The following SUSD6 variants were observed in gnomAD, a reference collection of about 807,000 sequenced individuals.
SUSD6 encodes sushi domain containing 6.
In SUSD6, 16 loss-of-function variants were observed where a neutral mutation model predicts 28.4. The ratio of observed to expected loss-of-function variants is 0.56; its 90% CI spans 0.38 to 0.86. The LOEUF is 0.86. Among genes scored for constraint, SUSD6 ranks in the 40% least tolerant of loss-of-function variants. The probability of loss-of-function intolerance (pLI) is 0.00; values close to 1 mark genes in which losing one functional copy is unlikely to be tolerated. For synonymous variants in SUSD6, 147 were observed against 159.6 expected (o/e 0.92, Z 0.59); for missense variants, 341 against 384.2 (o/e 0.89, Z 0.94).
intron 5 of SUSD6, among the ~76,000 whole-genome samples, chr14:69,710,656 G>A (rs1004177953): frequency 6.6e-5 from 10 of 152,194 alleles, no homozygotes; most frequent in African/African-American, 2.4e-4. Context: ...GCCTCATAGG[G>A]TGGAATTAGG....
chr14:69,657,454 C>CA (rs140763241), intron 1 of SUSD6, among the ~76,000 whole-genome samples: 33,042 of 145,746 alleles, frequency 0.23, 3,929 homozygotes, highest in South Asian at 0.31. Flanking sequence ...GACTGTGTCT[C>CA]AAAAAAAAAA....
At chr14:69,662,467 C>A (rs755217782) in intron 2 of SUSD6, among the ~76,000 whole-genome samples, 1 of 152,078 alleles carries the variant, frequency 6.6e-6, no homozygotes, top group African/African-American at 2.4e-5. Flanking sequence ...ATCTACAGCT[C>A]GAGATTTGCA....
chr14:69,704,235 T>G (rs1026370800), intron 3 of SUSD6, among the ~76,000 whole-genome samples: 10 of 152,190 alleles, frequency 6.6e-5, no homozygotes, highest in African/African-American at 2.4e-4. Flanking sequence ...TAGGTAGAAC[T>G]TAAGATGGTG....
chr14:69,613,295 C>G (rs139953381), intron 1 of SUSD6, among the ~76,000 whole-genome samples: 8 of 152,256 alleles, frequency 5.3e-5, no homozygotes, highest in Non-Finnish European at 1.0e-4. Context: ...TCGCCCATGT[C>G]ACATAGGTAT....
At chr14:69,681,493 A>C (rs1282206383) in intron 2 of SUSD6, among the ~76,000 whole-genome samples, 1 of 152,202 alleles carries the variant, frequency 6.6e-6, no homozygotes, top group African/African-American at 2.4e-5. Context: ...CCTGCTTGGA[A>C]GACTGCTGAC....
chr14:69,662,112 T>C (rs1885671010), intron 2 of SUSD6, among the ~76,000 whole-genome samples: 1 of 152,194 alleles, frequency 6.6e-6, no homozygotes, highest in Non-Finnish European at 1.5e-5. Flanking sequence ...CCTGTTCTTA[T>C]AGCTGCTCCT....
Position 69,647,189 on chromosome 14 carries a change from A to G in SUSD6, c.-80-11324A>G, listed in dbSNP as rs17107167. Reference sequence around the variant, plus strand: ...GGTGAAGCTGAATGCTCCTGGTTACACTAACTTTTGGGAAGGTCATTTGAT... The same window carrying G: ...GGTGAAGCTGAATGCTCCTGGTTACGCTAACTTTTGGGAAGGTCATTTGAT... On this transcript the variant is annotated intron_variant, in intron 1 of 5. Transcript: ENST00000342745. 9.0e-3 allele frequency among the ~76,000 whole-genome samples: 1,376 copies of G among 152,308 alleles called. 24 individuals carry two copies. The highest frequency in any genetic ancestry group is 0.031 in the African/African-American group (1,294 of 41,542).
chr14:69,689,636 A>C (rs1418262300), intron 2 of SUSD6, among the ~76,000 whole-genome samples: 2 of 152,220 alleles, frequency 1.3e-5, no homozygotes, highest in Non-Finnish European at 2.9e-5. Context: ...AAACCTGGAG[A>C]GAATAAGAAT....
intron 1 of SUSD6, among the ~76,000 whole-genome samples, chr14:69,642,623 GCA>G (rs956249861): frequency 2.0e-5 from 3 of 151,902 alleles, no homozygotes; most frequent in Non-Finnish European, 4.4e-5. Flanking sequence ...GGAAAGACCA[GCA>G]CCCGTGATTC....
intron 2 of SUSD6, among the ~76,000 whole-genome samples, chr14:69,677,421 C>G (rs1298703813): frequency 2.0e-5 from 3 of 152,094 alleles, no homozygotes; most frequent in Non-Finnish European, 4.4e-5. Context: ...GTGGTGGACG[C>G]CTGTAGTCCC....
At chr14:69,656,141 C>G (rs140919513) in intron 1 of SUSD6, among the ~76,000 whole-genome samples, 98 of 151,002 alleles carry the variant, frequency 6.5e-4, no homozygotes, top group Middle Eastern at 6.8e-3. Context: ...TTCTTCCCTC[C>G]CTCCGTCTTC....
At chr14:69,678,392 T>A (rs372557286) in intron 2 of SUSD6, among the ~76,000 whole-genome samples, 1 of 151,150 alleles carries the variant, frequency 6.6e-6, no homozygotes, top group South Asian at 2.1e-4. Flanking sequence ...TTGTAAATTA[T>A]ATGTTGCAAT....
At chr14:69,631,975 T>A (rs766777207) in intron 1 of SUSD6, among the ~76,000 whole-genome samples, 1 of 152,210 alleles carries the variant, frequency 6.6e-6, no homozygotes, top group Non-Finnish European at 1.5e-5. Context: ...AAGGTGTTAA[T>A]ACCAACAACA....
intron 2 of SUSD6, among the ~76,000 whole-genome samples, chr14:69,664,040 G>A (rs1179836287): frequency 6.6e-6 from 1 of 151,078 alleles, no homozygotes; most frequent in Non-Finnish European, 1.5e-5. Flanking sequence ...GTACAGTGGC[G>A]CGATCTCGGC....
At chr14:69,650,539 G>A (rs1885488682) in intron 1 of SUSD6, among the ~76,000 whole-genome samples, 1 of 152,164 alleles carries the variant, frequency 6.6e-6, no homozygotes, top group Admixed American at 6.5e-5. Flanking sequence ...TCCAAGGTTG[G>A]CCCCTCAGTC....
chr14:69,682,946 C>A (rs1001455522), intron 2 of SUSD6, among the ~76,000 whole-genome samples: 2 of 113,202 alleles, frequency 1.8e-5, no homozygotes, highest in South Asian at 3.0e-4. Context: ...TTCCAAGAAG[C>A]CTTTTTTTTT....
chr14:69,633,303 A>G (rs978498976), intron 1 of SUSD6, among the ~76,000 whole-genome samples: 1 of 152,250 alleles, frequency 6.6e-6, no homozygotes, highest in African/African-American at 2.4e-5. Context: ...AGAGTCTGCT[A>G]TGTGACAGAT....
intron 1 of SUSD6, among the ~76,000 whole-genome samples, chr14:69,651,945 C>T (rs897095960): frequency 2.0e-5 from 3 of 152,096 alleles, no homozygotes; most frequent in Admixed American, 1.3e-4. Context: ...ATGTAATTAG[C>T]GGGTTAATTT....
At chr14:69,685,549 C>A (rs1886060680) in intron 2 of SUSD6, among the ~76,000 whole-genome samples, 1 of 152,176 alleles carries the variant, frequency 6.6e-6, no homozygotes, top group South Asian at 2.1e-4. Context: ...TGGAGGCAGT[C>A]CTGGTCTCTT....
Sources: gnomAD v4.1 joint callset for allele counts (sites outside exome capture counted in the v4.1 genomes callset) on GRCh38, gnomAD v4.1.1 for gene constraint, MANE v1.5 for transcripts, NCBI Gene and HGNC (gene_info 2026-07-23, HGNC 2026-07-21) for gene names.